Variants in PRR5 observed in about 807,000 individuals in gnomAD.
The protein encoded by PRR5 is proline rich 5.
Under a neutral mutation model 30.6 loss-of-function variants are expected in PRR5, and 25 were observed. The ratio of observed to expected loss-of-function variants is 0.82; its 90% confidence interval spans 0.60 to 1.14. PRR5 has a LOEUF of 1.14. Among genes scored for constraint, PRR5 ranks in the 50% most tolerant of loss-of-function variants. The pLI is 0.00. For missense variants in PRR5, 600 were observed against 547.1 expected, an observed-to-expected ratio of 1.10 and a Z score of -0.96; for synonymous variants, 286 against 247.1, an observed-to-expected ratio of 1.16 and a Z score of -1.48.
intron 1 of PRR5, among the ~76,000 whole-genome samples, chr22:44,708,089 C>T (rs1205444938): frequency 1.3e-5 from 2 of 152,084 alleles, no homozygotes; most frequent in African/African-American, 4.8e-5. Flanking sequence ...ATCCCAGCTA[C>T]TTTGGGACGT....
At chr22:44,686,405 C>T (rs551956025) in intron 1 of PRR5, among the ~76,000 whole-genome samples, 4 of 150,530 alleles carry the variant, frequency 2.7e-5, no homozygotes, top group African/African-American at 4.9e-5. Context: ...GGCATTAACT[C>T]GGCTCACTGC....
chr22:44,710,137 T>C (rs1573747), intron 1 of PRR5, among the ~76,000 whole-genome samples: 87,231 of 151,936 alleles, frequency 0.57, 25,274 homozygotes, highest in South Asian at 0.7. Context: ...TCCTCCCCCA[T>C]GGCCTGTTCT....
At chr22:44,689,032 C>A (rs1925009700) in intron 1 of PRR5, among the ~76,000 whole-genome samples, 1 of 152,078 alleles carries the variant, frequency 6.6e-6, no homozygotes, top group Admixed American at 6.6e-5. Context: ...ATCATGCTGG[C>A]CCCTGATTTT....
chr22:44,696,956 C>T (rs1337608061), intron 1 of PRR5, among the ~76,000 whole-genome samples: 1 of 152,024 alleles, frequency 6.6e-6, no homozygotes, highest in Non-Finnish European at 1.5e-5. Context: ...AGGGTAGTCT[C>T]CAACTCCTGA....
intron 1 of PRR5, among the ~76,000 whole-genome samples, chr22:44,703,513 C>T (rs992102905): frequency 2.0e-5 from 3 of 152,206 alleles, no homozygotes; most frequent in Non-Finnish European, 4.4e-5. Flanking sequence ...TCATGGTGGG[C>T]TCAGGGCTGC....
intron 4 of PRR5, chr22:44,730,722 C>G (rs763615833): frequency 2.1e-6 from 2 of 948,940 alleles, no homozygotes; most frequent in Non-Finnish European, 2.6e-6. Flanking sequence ...CCCTCTGCAC[C>G]CTCTTCTTCC....
chr22:44,685,593 A>AC (rs201112107), intron 1 of PRR5, among the ~76,000 whole-genome samples: 12 of 122,284 alleles, frequency 9.8e-5, no homozygotes, highest in South Asian at 2.6e-4. Flanking sequence ...TGAAAGCCAC[A>AC]CCCTCTCCCC....
intron 2 of PRR5, among the ~76,000 whole-genome samples, chr22:44,722,545 C>T (rs1203450492): frequency 1.3e-5 from 2 of 152,222 alleles, no homozygotes; most frequent in Non-Finnish European, 2.9e-5. Context: ...TCCCAGATTC[C>T]ACACCCCATG....
intron 1 of PRR5, among the ~76,000 whole-genome samples, chr22:44,677,866 T>A (rs1318793075): frequency 6.6e-6 from 1 of 152,250 alleles, no homozygotes; most frequent in Non-Finnish European, 1.5e-5. Flanking sequence ...TTATTCTTTC[T>A]CACGGCCTCA....
Position 44,677,711 on chromosome 22 carries a change from A to G in PRR5, c.-11+471A>G, listed in dbSNP as rs534257263. Among the ~76,000 whole-genome samples the G allele has an allele frequency of 3.3e-5, 5 of 152,198 alleles. No homozygotes were observed. In the South Asian group the frequency reaches 1.0e-3, roughly 32 times the overall value. On this transcript the variant is annotated intron_variant, in intron 1 of 8. Coordinates refer to the PRR5 transcript ENST00000006251. ...CTTATGCCACGGTGAGGGGAGTCAGAGGGGTGGGCTCAGTGCCTGGGCCTG... is the reference window on the plus strand; with the variant it reads ...CTTATGCCACGGTGAGGGGAGTCAGGGGGGTGGGCTCAGTGCCTGGGCCTG...
intron 6 of PRR5, among the ~76,000 whole-genome samples, chr22:44,732,947 GCA>G (rs132401): frequency 0.53 from 78,525 of 149,194 alleles, 23,355 homozygotes; most frequent in Non-Finnish European, 0.66. Context: ...ACACACGTGT[GCA>G]CACATACGCG....
intron 1 of PRR5, among the ~76,000 whole-genome samples, chr22:44,710,448 T>G (rs993067015): frequency 6.6e-6 from 1 of 152,166 alleles, no homozygotes; most frequent in East Asian, 1.9e-4. Context: ...AGGGAGGTCA[T>G]GGGCCGTTTC....
chr22:44,670,121 C>T (rs914052876), intron 1 of PRR5, among the ~76,000 whole-genome samples: 4 of 152,168 alleles, frequency 2.6e-5, no homozygotes, highest in Admixed American at 1.3e-4. Flanking sequence ...GTGTTAACAT[C>T]GGATGAGGGG....
intron 4 of PRR5, 44 bp downstream of exon 4, chr22:44,726,678 C>T: frequency 6.2e-7 from 1 of 1,613,636 alleles, no homozygotes; most frequent in Non-Finnish European, 8.5e-7. Context: ...CATGCTGGGT[C>T]CTGGCTGGCT....
intron 4 of PRR5, chr22:44,730,880 T>C: frequency 2.2e-6 from 1 of 445,344 alleles, no homozygotes; most frequent in South Asian, 1.8e-5. Flanking sequence ...TGGTGGGGGG[T>C]CGATCACCCC....
At chr22:44,673,634 T>A (rs1923548719), upstream of PRR5, among the ~76,000 whole-genome samples, 1 of 152,202 alleles carries the variant, frequency 6.6e-6, no homozygotes, top group South Asian at 2.1e-4. Context: ...CCCTACTTGA[T>A]TATTCTCAAT....
In PRR5 at chr22:44,735,098, G is replaced by T; in HGVS notation, c.627G>T (p.Ser209=). The T allele has an allele frequency of 3.7e-6, 6 of 1,612,432 alleles. No individual in the cohort carries two copies. Among genetic ancestry groups the T allele is most frequent in the Non-Finnish European group, 4.2e-6 (5 of 1,179,260 alleles). ...AGACGCTGGTCCAGAAGGTGGTGTC[G>T]CCATACCTGGGCACCTACGGCCTCC... ...RLETLVQKVV[S]PYLGTYGLHS... The change falls in exon 7 of 8, where the codon TCG becomes TCT. Residue 209 remains serine, a synonymous_variant. Coordinates refer to ENST00000336985, the MANE Select transcript of PRR5 (RefSeq NM_181333.4).
upstream of PRR5, chr22:44,676,871 A>G (rs568915328): frequency 1.3e-5 from 2 of 152,346 alleles, no homozygotes; most frequent in Non-Finnish European, 2.9e-5. Context: ...CTCTGTGAGC[A>G]GTGATAAAAT....
At position 44,696,721 on chromosome 22, in the gene PRR5, GTATT is replaced by G. The variant is rs56370664; in HGVS notation, c.-10-5741_-10-5738del. On this transcript the variant is annotated intron_variant, in intron 1 of 8. Transcript: ENST00000006251. ...GGGACCAAGGAAGACATGAACTTAC[GTATT>G]TATTTATTTATTTATTTATTTATTT... Among the ~76,000 whole-genome samples, 84 of 148,034 alleles carry G rather than the reference GTATT, an allele frequency of 5.7e-4. 1 individual carries two copies. Among genetic ancestry groups the G allele is most frequent in the Admixed American group, 1.0e-3 (15 of 14,826 alleles).
Sources: gnomAD v4.1 joint callset for allele counts (sites outside exome capture counted in the v4.1 genomes callset) on GRCh38, gnomAD v4.1.1 for gene constraint, MANE v1.5 for transcripts, NCBI Gene and HGNC (gene_info 2026-07-23, HGNC 2026-07-21) for gene names.